Variants in IFT43 observed in about 807,000 individuals in gnomAD.
The protein encoded by IFT43 is intraflagellar transport protein 43 homolog.
Under a neutral mutation model 32.3 loss-of-function variants are expected in IFT43, and 33 were observed. The ratio of observed to expected loss-of-function variants is 1.02; its 90% CI spans 0.77 to 1.37. IFT43 has a LOEUF of 1.37. Ranked by LOEUF, IFT43 falls within the 40% of genes most tolerant of loss-of-function variation. The pLI is 0.00. For missense variants in IFT43, 274 were observed against 265.9 expected (o/e 1.03, Z -0.21); for synonymous variants, 93 against 98.2 (o/e 0.95, Z 0.31).
chr14:76,045,258 CT>C (rs1185459831), intron 3 of IFT43, among the ~76,000 whole-genome samples: 3 of 152,174 alleles, frequency 2.0e-5, no homozygotes, highest in East Asian at 1.9e-4. Flanking sequence ...GGTTTGCCAC[CT>C]TTTTCTCTAG....
At chr14:76,079,642 A>G (rs2037472632) in intron 5 of IFT43, among the ~76,000 whole-genome samples, 1 of 152,258 alleles carries the variant, frequency 6.6e-6, no homozygotes, top group Admixed American at 6.5e-5. Flanking sequence ...AACATTGAAG[A>G]AAAGGAAAAT....
At position 76,082,287 on chromosome 14, in the gene IFT43, C is replaced by A. The variant is rs766466643; in HGVS notation, c.296-8C>A. On this transcript the variant is annotated splice_polypyrimidine_tract_variant and splice_region_variant and intron_variant, in intron 5 of 8. Transcript: ENST00000314067. ...TGCAGACAGTGTTGCCTCTGCCTCTCCTTGCAGATATTCCTATCATTCCGG... is the reference window on the plus strand; with the variant it reads ...TGCAGACAGTGTTGCCTCTGCCTCTACTTGCAGATATTCCTATCATTCCGG... 1 of 1,613,518 alleles carries A rather than the reference C, an allele frequency of 6.2e-7. No individual in the cohort carries two copies. Among genetic ancestry groups the A allele is most frequent in the East Asian group, 2.2e-5 (1 of 44,888 alleles).
At chr14:76,079,937 G>C (rs2037478577) in intron 5 of IFT43, among the ~76,000 whole-genome samples, 1 of 151,916 alleles carries the variant, frequency 6.6e-6, no homozygotes, top group South Asian at 2.1e-4. Flanking sequence ...GAGAGTGGGG[G>C]AGTGGGGAGG....
intron 3 of IFT43, among the ~76,000 whole-genome samples, chr14:76,028,260 CCA>C (rs560087803): frequency 1.9e-3 from 286 of 152,100 alleles, no homozygotes; most frequent in African/African-American, 6.5e-3. Flanking sequence ...TCCTGTTCAC[CCA>C]CAGTCTTTCA....
chr14:76,082,257 A>G (rs781529780), intron 5 of IFT43, 38 bp from the exon 6 acceptor site: 34 of 1,589,968 alleles, frequency 2.1e-5, no homozygotes, highest in Non-Finnish European at 2.9e-5. Flanking sequence ...AATCCCTATG[A>G]GTTCTGCAGA....
intron 2 of IFT43, among the ~76,000 whole-genome samples, chr14:76,019,359 G>A (rs1332839843): frequency 2.0e-5 from 3 of 149,942 alleles, no homozygotes. Context: ...GCTTTGCTGG[G>A]TATAGTAATC....
chr14:76,043,212 GTTA>G (rs1241199576), intron 3 of IFT43, among the ~76,000 whole-genome samples: 3 of 152,228 alleles, frequency 2.0e-5, no homozygotes, highest in Non-Finnish European at 2.9e-5. Context: ...TAGTTTCTGA[GTTA>G]TTATATTACC....
intron 3 of IFT43, among the ~76,000 whole-genome samples, chr14:76,027,338 C>A (rs1566714432): frequency 2.5e-5 from 2 of 79,364 alleles, no homozygotes; most frequent in African/African-American, 3.9e-5. Flanking sequence ...CCAACACCCC[C>A]CACACACACA....
chr14:76,037,681 CTCAT>C (rs2036626001), intron 3 of IFT43, among the ~76,000 whole-genome samples: 1 of 117,868 alleles, frequency 8.5e-6, no homozygotes, highest in Non-Finnish European at 1.7e-5. Flanking sequence ...TGGCTTTTCC[CTCAT>C]TCTCTGTTTT....
At chr14:76,059,291 A>G (rs768740732) in intron 4 of IFT43, 36 bp from the exon 5 acceptor site, 2 of 1,613,666 alleles carry the variant, frequency 1.2e-6, no homozygotes, top group Non-Finnish European at 1.7e-6. Context: ...TTTGAAACTC[A>G]TTTTTTGCTG....
chr14:76,028,026 C>G (rs367977581), intron 3 of IFT43, among the ~76,000 whole-genome samples: 19 of 152,016 alleles, frequency 1.2e-4, no homozygotes, highest in African/African-American at 3.9e-4. Flanking sequence ...CTGGGTTTCT[C>G]TAACTGATTC....
At chr14:76,008,542 G>C (rs540866249) in intron 2 of IFT43, among the ~76,000 whole-genome samples, 3 of 152,192 alleles carry the variant, frequency 2.0e-5, no homozygotes, top group South Asian at 4.2e-4. Flanking sequence ...TGAGCACAAG[G>C]CTGCCCAGCT....
intron 5 of IFT43, among the ~76,000 whole-genome samples, chr14:76,074,985 G>C (rs984378956): frequency 6.6e-6 from 1 of 152,302 alleles, no homozygotes; most frequent in Admixed American, 6.5e-5. Context: ...TTCCCCAGCA[G>C]TATCAGGAGA....
intron 2 of IFT43, among the ~76,000 whole-genome samples, chr14:76,020,079 A>C (rs1169838365): frequency 6.6e-6 from 1 of 151,932 alleles, no homozygotes; most frequent in Non-Finnish European, 1.5e-5. Context: ...GGTTCAAGTG[A>C]TTCTCCTGCC....
At chr14:76,064,376 A>G (rs1016736408) in intron 5 of IFT43, among the ~76,000 whole-genome samples, 3 of 152,210 alleles carry the variant, frequency 2.0e-5, no homozygotes, top group Non-Finnish European at 4.4e-5. Flanking sequence ...CTGCTTCTTC[A>G]GCCATTGGTT....
intron 3 of IFT43, among the ~76,000 whole-genome samples, chr14:76,035,805 G>A (rs1386197962): frequency 6.6e-6 from 1 of 152,244 alleles, no homozygotes; most frequent in Non-Finnish European, 1.5e-5. Flanking sequence ...GTGCCATGAT[G>A]TGGGCACACC....
At chr14:76,057,393 G>C (rs916029801) in intron 3 of IFT43, among the ~76,000 whole-genome samples, 2 of 151,948 alleles carry the variant, frequency 1.3e-5, no homozygotes, top group Admixed American at 1.3e-4. Flanking sequence ...ACCATACCTG[G>C]CTAATTTTTG....
At chr14:76,013,895 C>CA (rs2139931873) in intron 2 of IFT43, 1 of 231,026 alleles carries the variant, frequency 4.3e-6, no homozygotes, top group African/African-American at 2.5e-5. Context: ...TAAAACAAAA[C>CA]AAAGATTTAT....
intron 5 of IFT43, among the ~76,000 whole-genome samples, chr14:76,065,629 C>T (rs1275076423): frequency 1.3e-4 from 19 of 148,966 alleles, no homozygotes; most frequent in African/African-American, 4.4e-4. Flanking sequence ...TTTTTTTTTT[C>T]ACTCAGTGTA....
Sources: allele counts gnomAD v4.1 joint callset (sites outside exome capture counted in the v4.1 genomes callset), GRCh38; gene constraint gnomAD v4.1.1; transcripts MANE v1.5; gene names NCBI Gene and HGNC (gene_info 2026-07-23, HGNC 2026-07-21).